Variants in ZNF251 observed in about 807,000 individuals in gnomAD.
The protein encoded by ZNF251 is zinc finger protein 251.
A neutral mutation model predicts 13.5 loss-of-function variants in ZNF251; 14 were observed. The observed-to-expected ratio is 1.04, with a 90% confidence interval of 0.69 to 1.63. ZNF251 has a LOEUF of 1.63. Ranked by LOEUF, ZNF251 falls within the 40% of genes most tolerant of loss-of-function variation. ZNF251 has a pLI of 0.00. For synonymous variants in ZNF251, 287 were observed against 295.2 expected, an observed-to-expected ratio of 0.97 and a Z score of 0.28; for missense variants, 764 against 834.9, an observed-to-expected ratio of 0.92 and a Z score of 1.05.
chr8:144,733,155 G>A (rs1586687722), intron 4 of ZNF251, among the ~76,000 whole-genome samples: 1 of 151,384 alleles, frequency 6.6e-6, no homozygotes, highest in East Asian at 2.0e-4. Flanking sequence ...GGAGGCAGAG[G>A]TTGTAATGAG....
intron 4 of ZNF251, among the ~76,000 whole-genome samples, chr8:144,726,670 A>AC (rs1270048722): frequency 1.3e-5 from 2 of 151,996 alleles, no homozygotes; most frequent in African/African-American, 4.8e-5. Flanking sequence ...GGAGATCGAG[A>AC]CCATCCTGGC....
chr8:144,726,573 A>C (rs1269019308), intron 4 of ZNF251, among the ~76,000 whole-genome samples: 1 of 151,370 alleles, frequency 6.6e-6, no homozygotes, highest in Non-Finnish European at 1.5e-5. Context: ...ACTATTAGAA[A>C]ACTTAGCCAG....
intron 4 of ZNF251, among the ~76,000 whole-genome samples, chr8:144,732,913 G>A (rs1233791372): frequency 6.6e-6 from 1 of 151,708 alleles, no homozygotes; most frequent in Non-Finnish European, 1.5e-5. Context: ...GTAATAATTT[G>A]CTTGTATGTA....
In ZNF251 at chr8:144,734,764, A is replaced by C. The variant is rs1823827859; in HGVS notation, c.278-11382T>G. Among the ~76,000 whole-genome samples the C allele has an allele frequency of 6.6e-6, 1 of 152,170 alleles. No individual in the cohort carries two copies. The highest frequency in any genetic ancestry group is 6.5e-5 in the Admixed American group (1 of 15,282). ...GACCAAAATTCCTCTGTGGTAGAAAATTCAAATTTGTCTTAAGGGATTTTG... is the reference window on the plus strand; with the variant it reads ...GACCAAAATTCCTCTGTGGTAGAAACTTCAAATTTGTCTTAAGGGATTTTG... On this transcript the variant is annotated intron_variant, in intron 4 of 4. Coordinates refer to ENST00000292562, the MANE Select transcript of ZNF251 (RefSeq NM_138367.2). This position sits in a 1 kb window ranked among gnomAD's most constrained non-coding sequence, Gnocchi z 4.4.
rs12681803 is a variant in ZNF251, at chr8:144,732,587, G to T, written c.278-9205C>A. The stretch of plus-strand genomic sequence containing the variant: ...CAGCACTTGGGGAGGCCAAGGCGGG[G>T]GAATCACGAGGTCAGGAGATGGAGA... On this transcript the variant is annotated intron_variant, in intron 4 of 4. Transcript: ENST00000292562. Among the ~76,000 whole-genome samples the T allele has an allele frequency of 5.9e-3, 899 of 151,132 alleles. 25 individuals carry two copies. Among genetic ancestry groups the T allele is most frequent in the Admixed American group, 0.045 (686 of 15,160 alleles).
chr8:144,723,739 G>A lies in ZNF251; in HGVS notation c.278-357C>T, dbSNP rs1253839554. ...AGCTTATGTTCTACTCAATTAGATAGCAAGTAAGTTCTTAAAAATAATGAT... is the reference window on the plus strand; with the variant it reads ...AGCTTATGTTCTACTCAATTAGATAACAAGTAAGTTCTTAAAAATAATGAT... On this transcript the variant is annotated intron_variant, in intron 4 of 4. Coordinates refer to ENST00000292562, the MANE Select transcript of ZNF251 (RefSeq NM_138367.2). Among the ~76,000 whole-genome samples the A allele has an allele frequency of 2.0e-5, 3 of 152,168 alleles. No homozygotes were observed. In the East Asian group the frequency reaches 5.8e-4, roughly 29 times the overall value.
chr8:144,736,068 G>A lies in ZNF251; in HGVS notation c.278-12686C>T, dbSNP rs1193926540. Among the ~76,000 whole-genome samples the A allele has an allele frequency of 3.3e-5, 5 of 152,166 alleles. No individual in the cohort carries two copies. In the East Asian group the frequency reaches 9.6e-4, roughly 29 times the overall value. On this transcript the variant is annotated intron_variant, in intron 4 of 4. Transcript: ENST00000292562. ...CGGACCCTCATGGGCCCCCACGCTG[G>A]GCGGCTGTGCCCAACGCCCTCATCA...
intron 4 of ZNF251, chr8:144,738,704 C>A (rs918590074): frequency 1.5e-5 from 15 of 985,170 alleles, no homozygotes; most frequent in Non-Finnish European, 1.8e-5. Context: ...CTCGTGGGGG[C>A]ACCTGTTTGT....
chr8:144,740,834 G>A (rs1824125791), intron 4 of ZNF251, among the ~76,000 whole-genome samples: 1 of 152,088 alleles, frequency 6.6e-6, no homozygotes. Flanking sequence ...TCGGGAGGCT[G>A]AGGCAGGAGA....
At chr8:144,738,148 C>T (rs927835733) in intron 4 of ZNF251, among the ~76,000 whole-genome samples, 5 of 152,134 alleles carry the variant, frequency 3.3e-5, no homozygotes, top group Non-Finnish European at 4.4e-5. Context: ...GCCCAGCAGG[C>T]GGCCCAGCAC....
At chr8:144,730,811 T>C (rs113908838) in intron 4 of ZNF251, among the ~76,000 whole-genome samples, 10,108 of 152,256 alleles carry the variant, frequency 0.066, 1,079 homozygotes, top group African/African-American at 0.23. Context: ...AAACTTCTAA[T>C]GCAGGGCACC....
rs1307180905 is a variant in ZNF251, at chr8:144,732,816, A to AC, written c.278-9435_278-9434insG. Reference sequence around the variant, plus strand: ...GACAGAGCGAGACTCCGTCTCAAAAAAAAAAAAAAAAAAATACATTGGACA... The same window carrying AC: ...GACAGAGCGAGACTCCGTCTCAAAAACAAAAAAAAAAAAAATACATTGGACA... On this transcript the variant is annotated intron_variant, in intron 4 of 4. Transcript: ENST00000292562. Among the ~76,000 whole-genome samples, 13 of 141,112 alleles carry AC rather than the reference A, an allele frequency of 9.2e-5. No homozygotes were observed. In the South Asian group the frequency reaches 2.8e-3, roughly 30 times the overall value. 92.6% of individuals were successfully genotyped at this position (141,112 alleles called of 152,430 possible).
In ZNF251 at chr8:144,754,305, A is replaced by C; in HGVS notation, c.50T>G (p.Phe17Cys). ...AGAGAAGTACACGGCCACATCCTGG[A>C]AGGTCAGCGGCATCTCCTGCAACAA... ...LPGHQEMPLTFQDVAVYFSQA... is the reference protein window; with the variant it reads ...LPGHQEMPLTCQDVAVYFSQA... The change falls in exon 3 of 5, where the codon TTC (phenylalanine) becomes TGC (cysteine). Residue 17 changes from phenylalanine to cysteine, a missense_variant. Physicochemically the swap from Phe to Cys is radical, Grantham distance 205. Coordinates refer to ENST00000292562, the MANE Select transcript of ZNF251 (RefSeq NM_138367.2). The C allele has an allele frequency of 1.9e-6, 3 of 1,610,502 alleles. No homozygotes were observed. Among genetic ancestry groups the C allele is most frequent in the Non-Finnish European group, 2.5e-6 (3 of 1,178,358 alleles).
intron 4 of ZNF251, among the ~76,000 whole-genome samples, chr8:144,739,415 C>G (rs148732292): frequency 6.6e-6 from 1 of 152,118 alleles, no homozygotes; most frequent in African/African-American, 2.4e-5. Flanking sequence ...TCCACTCCCC[C>G]GCCTAAACTA....
Position 144,722,101 on chromosome 8 carries a change from T to C in ZNF251, c.1559A>G (p.Lys520Arg), listed in dbSNP as rs1823386972. The change falls in exon 5 of 5, where the codon AAA becomes AGA. Residue 520 changes from lysine to arginine, a missense_variant. Lys to Arg is a conservative substitution (Grantham distance 26). Transcript: ENST00000292562. This position sits in a 1 kb window ranked among gnomAD's most constrained non-coding sequence, Gnocchi z 4.8. ...GCCATGAACAAAGGCTGGACCATGT[T>C]TTCTGCACTTACGAGTCTCTCCGCT... is the stretch of plus-strand genomic sequence containing the variant. ...VHSGETRKCR[K>R]HGPAFVHGSS... 6.2e-7 allele frequency: 1 copy of C among 1,613,902 alleles called. No individual in the cohort carries two copies. The highest frequency in any genetic ancestry group is 8.5e-7 in the Non-Finnish European group (1 of 1,179,916).
chr8:144,741,087 T>C (rs1824140566), intron 4 of ZNF251, among the ~76,000 whole-genome samples: 1 of 152,336 alleles, frequency 6.6e-6, no homozygotes, highest in East Asian at 1.9e-4. Flanking sequence ...ACAGTCCCAG[T>C]AGCCGGAAGG....
At chr8:144,737,862 A>AAG in intron 4 of ZNF251, among the ~76,000 whole-genome samples, 1 of 142,562 alleles carries the variant, frequency 7.0e-6, no homozygotes, top group South Asian at 2.3e-4. Context: ...AAAAAAAAAA[A>AAG]GGGTTATGCT....
intron 4 of ZNF251, among the ~76,000 whole-genome samples, chr8:144,729,223 A>C (rs1277071013): frequency 3.3e-5 from 5 of 152,274 alleles, no homozygotes; most frequent in South Asian, 2.1e-4. Context: ...TCCTGGTTAT[A>C]AAAGTCAAAA....
chr8:144,740,128 A>T (rs1274443241), intron 4 of ZNF251, among the ~76,000 whole-genome samples: 1 of 151,108 alleles, frequency 6.6e-6, no homozygotes, highest in Non-Finnish European at 1.5e-5. Flanking sequence ...TCTACTAAAA[A>T]TACAAAATTA....
Sources: gnomAD v4.1 joint callset for allele counts (sites outside exome capture counted in the v4.1 genomes callset) on GRCh38, gnomAD v4.1.1 for gene constraint, Gnocchi (gnomAD v3.1) non-coding constraint, MANE v1.5 for transcripts, NCBI Gene and HGNC (gene_info 2026-07-23, HGNC 2026-07-21) for gene names.